DPP6: variants seen among roughly 807,000 people sequenced by gnomAD.
The protein encoded by DPP6 is A-type potassium channel modulatory protein DPP6.
A neutral mutation model predicts 122.6 loss-of-function variants in DPP6; 69 were observed. The ratio of observed to expected loss-of-function variants is 0.56; its 90% confidence interval spans 0.46 to 0.69. The LOEUF (loss-of-function observed/expected upper bound fraction) is 0.69, where lower values mean the gene tolerates loss of function less well. Ranked by LOEUF, DPP6 falls within the 30% of genes least tolerant of loss-of-function variation. DPP6 has a pLI of 0.00. For missense variants in DPP6, 928 were observed against 1,116.9 expected (o/e 0.83, Z 2.41); for synonymous variants, 418 against 433.1 (o/e 0.97, Z 0.43).
At chr7:154,072,998 C>T (rs1245528244) in intron 1 of DPP6, among the ~76,000 whole-genome samples, 2 of 152,210 alleles carry the variant, frequency 1.3e-5, no homozygotes, top group African/African-American at 2.4e-5. Context: ...TAGCAGAATC[C>T]AGGGTTCATC....
intron 1 of DPP6, among the ~76,000 whole-genome samples, chr7:154,055,052 T>TAAAC (rs1800695974): frequency 6.6e-6 from 1 of 150,634 alleles, no homozygotes; most frequent in Non-Finnish European, 1.5e-5. Context: ...AATGGGGTTC[T>TAAAC]AAACAGCATC....
chr7:154,147,380 A>C (rs1438444577), intron 1 of DPP6, among the ~76,000 whole-genome samples: 4 of 152,108 alleles, frequency 2.6e-5, no homozygotes, highest in African/African-American at 7.2e-5. Flanking sequence ...GGAATCTATC[A>C]AACTGTTCAT....
intron 1 of DPP6, among the ~76,000 whole-genome samples, chr7:154,171,615 C>T (rs921778639): frequency 3.3e-5 from 5 of 152,144 alleles, no homozygotes; most frequent in African/African-American, 1.2e-4. Context: ...TACCATCTCC[C>T]ACCTGCAGCC....
At chr7:154,435,401 C>T (rs1160993747) in intron 1 of DPP6, among the ~76,000 whole-genome samples, 4 of 152,168 alleles carry the variant, frequency 2.6e-5, no homozygotes, top group South Asian at 4.1e-4. Context: ...ATGACCTCAT[C>T]GGATCCTCTT....
chr7:154,159,849 C>T (rs1011196300), intron 1 of DPP6, among the ~76,000 whole-genome samples: 2 of 151,856 alleles, frequency 1.3e-5, no homozygotes, highest in Admixed American at 1.3e-4. Flanking sequence ...TGTCTCACAC[C>T]TGTAATCCCA....
chr7:154,402,671 C>T (rs1241952624), intron 1 of DPP6, among the ~76,000 whole-genome samples: 1 of 149,296 alleles, frequency 6.7e-6, no homozygotes, highest in African/African-American at 2.5e-5. Context: ...GTGGGTGCAG[C>T]GCACCAGCAT....
At chr7:154,534,255 GA>G (rs151068258) in intron 3 of DPP6, among the ~76,000 whole-genome samples, 1,596 of 151,266 alleles carry the variant, frequency 0.011, 13 homozygotes, top group Non-Finnish European at 0.016. Context: ...GGTCATTTAT[GA>G]AAAAAAAATT....
chr7:154,191,756 C>G (rs1798627945), intron 1 of DPP6, among the ~76,000 whole-genome samples: 2 of 152,186 alleles, frequency 1.3e-5, no homozygotes, highest in Admixed American at 1.3e-4. Context: ...TTTATATTCC[C>G]TGAAAGCATC....
chr7:154,125,829 C>G (rs1330200702), intron 1 of DPP6, among the ~76,000 whole-genome samples: 2 of 152,176 alleles, frequency 1.3e-5, no homozygotes, highest in Non-Finnish European at 2.9e-5. Context: ...TCTGGCCTCC[C>G]TAGCAGAGCC....
chr7:153,865,157 TTA>T, the DPP6 span, among the ~76,000 whole-genome samples: 2 of 152,200 alleles, frequency 1.3e-5, no homozygotes, highest in Non-Finnish European at 2.9e-5. Flanking sequence ...ATCTATTATA[TTA>T]TATATACAGG....
chr7:153,910,129 A>C (rs1585017578), intron 1 of DPP6, among the ~76,000 whole-genome samples: 1 of 152,252 alleles, frequency 6.6e-6, no homozygotes, highest in Non-Finnish European at 1.5e-5. Flanking sequence ...ATCTGTCTTA[A>C]GTCAATTTAA....
intron 1 of DPP6, among the ~76,000 whole-genome samples, chr7:153,959,720 A>G (rs1288309718): frequency 1.3e-5 from 2 of 152,220 alleles, no homozygotes; most frequent in South Asian, 2.1e-4. Context: ...TTCACCTTCT[A>G]TGCAGACCAC....
chr7:154,682,582 T>A (rs186145488), intron 7 of DPP6, among the ~76,000 whole-genome samples: 1 of 152,204 alleles, frequency 6.6e-6, no homozygotes, highest in Non-Finnish European at 1.5e-5. Context: ...CAGAAGATAA[T>A]TTGCTCACTT....
At chr7:153,913,709 TA>T (rs1800184742) in intron 1 of DPP6, among the ~76,000 whole-genome samples, 1 of 152,056 alleles carries the variant, frequency 6.6e-6, no homozygotes, top group Admixed American at 6.5e-5. Context: ...TTTCAGACCT[TA>T]GAAACATGTT....
upstream of DPP6, among the ~76,000 whole-genome samples, chr7:153,885,585 A>C (rs2128990556): frequency 6.6e-6 from 1 of 152,306 alleles, no homozygotes; most frequent in East Asian, 1.9e-4. Flanking sequence ...TCCAGCCTCC[A>C]GAACTGTGAG....
intron 1 of DPP6, among the ~76,000 whole-genome samples, chr7:154,268,698 A>G (rs116198167): frequency 0.025 from 3,858 of 152,124 alleles, 159 homozygotes; most frequent in African/African-American, 0.086. Context: ...TGACTTCTGC[A>G]TTTGCCTCAA....
chr7:153,842,577 CATA>C, the DPP6 span, among the ~76,000 whole-genome samples: 1 of 152,062 alleles, frequency 6.6e-6, no homozygotes, highest in African/African-American at 2.4e-5. Context: ...TTAATTACCT[CATA>C]ATCATTTTAT....
intron 1 of DPP6, among the ~76,000 whole-genome samples, chr7:154,096,811 C>T (rs575107076): frequency 1.2e-4 from 18 of 152,176 alleles, no homozygotes; most frequent in South Asian, 4.2e-4. Flanking sequence ...CTAGTTTATC[C>T]TTTCTATATT....
At chr7:154,079,342 T>TAA (rs112950797) in intron 1 of DPP6, among the ~76,000 whole-genome samples, 1 of 143,032 alleles carries the variant, frequency 7.0e-6, no homozygotes, top group African/African-American at 2.4e-5. Flanking sequence ...CAGAGATTTG[T>TAA]AAAAAAAGAC....
Sources: gnomAD v4.1 joint callset for allele counts (sites outside exome capture counted in the v4.1 genomes callset) on GRCh38, gnomAD v4.1.1 for gene constraint, MANE v1.5 for transcripts, NCBI Gene and HGNC (gene_info 2026-07-23, HGNC 2026-07-21) for gene names.